TMEM119: variants seen among roughly 807,000 people sequenced by gnomAD.
TMEM119 encodes transmembrane protein 119, also known as osteoblast induction factor.
For missense variants in TMEM119, 410 were observed against 381.0 expected (o/e 1.08, Z -0.63); for synonymous variants, 182 against 176.4 (o/e 1.03, Z -0.25).
chr12:108,595,171 G>A (rs530061413), intron 1 of TMEM119, among the ~76,000 whole-genome samples: 219 of 152,012 alleles, frequency 1.4e-3, no homozygotes, highest in Non-Finnish European at 2.7e-3. Flanking sequence ...GAGTTTACAC[G>A]CACATTCACA....
Position 108,592,388 on chromosome 12 carries a change from C to A in TMEM119, c.-5G>T. 3 of 1,545,256 alleles carry A rather than the reference C, an allele frequency of 1.9e-6. No homozygotes were observed. The highest frequency in any genetic ancestry group is 2.6e-6 in the Non-Finnish European group (3 of 1,152,540). On this transcript the variant is annotated 5_prime_UTR_variant, in exon 2 of 2. Transcript: ENST00000392806. This position sits in a 1 kb window ranked among gnomAD's most constrained non-coding sequence, Gnocchi z 4.3. ...GGGGGCTGCCGCCGAAACCATGGTG[C>A]CCCCAGGACCTGTGAGACAGGAGGG...
Position 108,592,595 on chromosome 12 carries a change from G to A in TMEM119, c.-14-198C>T, listed in dbSNP as rs546965152. Among the ~76,000 whole-genome samples, 5 of 152,296 alleles carry A rather than the reference G, an allele frequency of 3.3e-5. No individual in the cohort carries two copies. The highest frequency in any genetic ancestry group is 4.8e-5 in the African/African-American group (2 of 41,544). ...CCCCCACTTCTCTGGAGGTCCCGGA[G>A]GTCAGGGGCTGAATCTTATTCATCT... On this transcript the variant is annotated intron_variant, in intron 1 of 1. Transcript: ENST00000392806. The surrounding 1 kb of genome is among the most constrained non-coding windows in gnomAD (Gnocchi z 4.3).
Position 108,591,232 on chromosome 12 carries a change from T to G in TMEM119, c.*300A>C. 9.4e-6 allele frequency: 3 copies of G among 319,232 alleles called. No individual in the cohort carries two copies. Among genetic ancestry groups the G allele is most frequent in the East Asian group, 5.6e-5 (1 of 17,956 alleles). 19.8% of individuals were successfully genotyped at this position (319,232 alleles called of 1,614,324 possible). On this transcript the variant is annotated 3_prime_UTR_variant, in exon 2 of 2. Transcript: ENST00000392806. The surrounding 1 kb of genome is among the most constrained non-coding windows in gnomAD (Gnocchi z 4.2). ...AGCCTCCACACCCAGCCTTGAGGGA[T>G]GTTTTATCCTGGCTGTCACAGGGAC...
chr12:108,593,388 G>A (rs183800353), intron 1 of TMEM119, among the ~76,000 whole-genome samples: 89 of 152,144 alleles, frequency 5.8e-4, no homozygotes, highest in African/African-American at 2.0e-3. Flanking sequence ...AGGTTGCAGT[G>A]AGCCGAGATC....
rs1282455642 is a variant in TMEM119 at position 108,590,039 on chromosome 12, G to A, written c.*1493C>T. ...TTGTGGACACAGGCTGCCAGACAAT[G>A]TGTGAGCAACAGGGGGTGGCCAGGG... On this transcript the variant is annotated 3_prime_UTR_variant, in exon 2 of 2. Coordinates refer to ENST00000392806, the MANE Select transcript of TMEM119 (RefSeq NM_181724.3). 1 of 152,242 alleles carries A rather than the reference G, an allele frequency of 6.6e-6. No individual in the cohort carries two copies. The highest frequency in any genetic ancestry group is 1.5e-5 in the Non-Finnish European group (1 of 68,082). 9.4% of individuals were successfully genotyped at this position (152,242 alleles called of 1,614,324 possible).
chr12:108,591,699 G>A lies in TMEM119; in HGVS notation c.685C>T (p.Pro229Ser). ...VQGHGVPVETPEAQEEPCSGV... is the reference protein window; with the variant it reads ...VQGHGVPVETSEAQEEPCSGV... ...GAGCACGGCTCCTCCTGCGCCTCTG[G>A]TGTCTCCACTGGGACCCCATGTCCC... The change falls in exon 2 of 2, where the codon CCA (proline) becomes TCA (serine). Residue 229 changes from proline (P) to serine (S), a missense_variant. Coordinates refer to ENST00000392806, the MANE Select transcript of TMEM119 (RefSeq NM_181724.3). The surrounding 1 kb of genome is among the most constrained non-coding windows in gnomAD (Gnocchi z 4.2). The A allele has an allele frequency of 6.2e-7, 1 of 1,613,494 alleles. No homozygotes were observed. Among genetic ancestry groups the A allele is most frequent in the Non-Finnish European group, 8.5e-7 (1 of 1,179,754 alleles).
rs2031367899 is a variant in TMEM119 at position 108,590,426 on chromosome 12, T to A, written c.*1106A>T. On this transcript the variant is annotated 3_prime_UTR_variant, in exon 2 of 2. Transcript: ENST00000392806. ...AAAAAGTAGTTTGGGCCGGGCACGG[T>A]GGCTCACGCCTGTAATCCCAGCACT... 1 of 152,244 alleles carries A rather than the reference T, an allele frequency of 6.6e-6. No homozygotes were observed. The highest frequency in any genetic ancestry group is 1.5e-5 in the Non-Finnish European group (1 of 68,074). 9.4% of individuals were successfully genotyped at this position (152,244 alleles called of 1,614,324 possible). A position where few individuals can be genotyped will look rare whatever the true frequency, so the allele number is the denominator to read the frequency against.
chr12:108,595,436 T>G (rs1297575618), intron 1 of TMEM119, among the ~76,000 whole-genome samples: 1 of 134,098 alleles, frequency 7.5e-6, no homozygotes, highest in African/African-American at 2.9e-5. Flanking sequence ...TATACACACA[T>G]GCACATACTA....
At position 108,591,887 on chromosome 12, in the gene TMEM119, AGGGCTTCCTC is replaced by A; in HGVS notation, c.487_496del (p.Glu163TrpfsTer94). On this transcript the variant is annotated frameshift_variant, in exon 2 of 2. Transcript: ENST00000392806. LOFTEE classifies it low-confidence loss of function (END_TRUNC). This position sits in a 1 kb window ranked among gnomAD's most constrained non-coding sequence, Gnocchi z 4.2. Reference sequence around the variant, plus strand: ...GGCCTGGAGCTGCCGGGAGGAATCCAGGGCTTCCTCGGGCCTGCTGTCGGGGGCTCTGTCG... The same window carrying A: ...GGCCTGGAGCTGCCGGGAGGAATCCAGGGCCTGCTGTCGGGGGCTCTGTCG... The A allele has an allele frequency of 6.2e-7, 1 of 1,611,488 alleles. No individual in the cohort carries two copies. The highest frequency in any genetic ancestry group is 8.5e-7 in the Non-Finnish European group (1 of 1,179,082).
At chr12:108,597,651 C>T (rs1023514714) in intron 1 of TMEM119, among the ~76,000 whole-genome samples, 16 of 152,016 alleles carry the variant, frequency 1.1e-4, no homozygotes, top group Admixed American at 2.0e-4. Context: ...TCCCTGCACA[C>T]AGGACAATAC....
rs373103416 is a variant in TMEM119, at chr12:108,592,166, G to T, written c.218C>A (p.Thr73Asn). The T allele has an allele frequency of 1.1e-5, 18 of 1,613,900 alleles. No individual in the cohort carries two copies. The highest frequency in any genetic ancestry group is 2.7e-5 in the African/African-American group (2 of 74,914). Residue 73 changes from threonine (T) to asparagine (N), a missense_variant, in exon 2 of 2, where the codon ACC becomes AAC. By Grantham distance (65) the Thr-to-Asn change is moderately conservative (BLOSUM62 0). Coordinates refer to ENST00000392806, the MANE Select transcript of TMEM119 (RefSeq NM_181724.3). The surrounding 1 kb of genome is among the most constrained non-coding windows in gnomAD (Gnocchi z 4.3). ...GGTGGGGGGTGATGGGCCCCCCAGGGTTATGGGCTGGGGCCCCATCGATGT... is the reference window on the plus strand; with the variant it reads ...GGTGGGGGGTGATGGGCCCCCCAGGTTTATGGGCTGGGGCCCCATCGATGT... The part of the protein sequence containing the change: ...SPTSMGPQPI[T>N]LGGPSPPTNF...
At position 108,591,973 on chromosome 12, in the gene TMEM119, G is replaced by A. The variant is rs150289058; in HGVS notation, c.411C>T (p.Tyr137=). 13 of 1,613,282 alleles carry A rather than the reference G, an allele frequency of 8.1e-6. No individual in the cohort carries two copies. The highest frequency in any genetic ancestry group is 2.2e-5 in the East Asian group (1 of 44,822). The change falls in exon 2 of 2, where the codon TAC becomes TAT. Residue 137 remains tyrosine, a synonymous_variant. Transcript: ENST00000392806. This position sits in a 1 kb window ranked among gnomAD's most constrained non-coding sequence, Gnocchi z 4.2. ...YYPSSFPKKK[Y]VDQSDRAGGP... is the part of the protein sequence containing the mutation. ...CCCCGGCCCGGTCACTCTGGTCCAC[G>A]TACTTCTTCTTGGGGAAGGACGATG...
At chr12:108,597,188 T>C (rs1439953898) in intron 1 of TMEM119, among the ~76,000 whole-genome samples, 1 of 152,098 alleles carries the variant, frequency 6.6e-6, no homozygotes, top group Non-Finnish European at 1.5e-5. Context: ...GTCCTGAGTC[T>C]GTGGAGGAGT....
intron 1 of TMEM119, among the ~76,000 whole-genome samples, chr12:108,595,224 ACACT>A (rs1232941487): frequency 1.5e-4 from 23 of 151,812 alleles, no homozygotes; most frequent in Non-Finnish European, 3.1e-4. Context: ...ATACACATGC[ACACT>A]CACCACACAC....
rs1396293377 is a variant in TMEM119 at position 108,590,290 on chromosome 12, A to C, written c.*1242T>G. ...GCTTGAGAGGATTTAAATGCCCTAT[A>C]CCCCACATCCCTAATCCTGGACCAA... On this transcript the variant is annotated 3_prime_UTR_variant, in exon 2 of 2. Transcript: ENST00000392806. 1 of 152,022 alleles carries C rather than the reference A, an allele frequency of 6.6e-6. No homozygotes were observed. Among genetic ancestry groups the C allele is most frequent in the Non-Finnish European group, 1.5e-5 (1 of 68,010 alleles). The allele number at this position is 152,022 out of a possible 1,614,324, so 9.4% of individuals were successfully genotyped here. A position where few individuals can be genotyped will look rare whatever the true frequency, so the allele number is the denominator to read the frequency against.
rs575358864 is a variant in TMEM119, at chr12:108,592,478, G to C, written c.-14-81C>G. ...CAGAAACAGGCTCACCAGCCCCCAGGAGGAACAGGGAGCATGAAACACCTT... is the reference window on the plus strand; with the variant it reads ...CAGAAACAGGCTCACCAGCCCCCAGCAGGAACAGGGAGCATGAAACACCTT... On this transcript the variant is annotated intron_variant, in intron 1 of 1. Transcript: ENST00000392806. This position sits in a 1 kb window ranked among gnomAD's most constrained non-coding sequence, Gnocchi z 4.3. The C allele has an allele frequency of 6.9e-5, 97 of 1,406,846 alleles. No homozygotes were observed. In the African/African-American group the frequency reaches 1.2e-3, roughly 18 times the overall value. 87.1% of individuals were successfully genotyped at this position (1,406,846 alleles called of 1,614,324 possible).
Position 108,591,903 on chromosome 12 carries a change from T to C in TMEM119, c.481A>G (p.Arg161Gly). The change falls in exon 2 of 2, where the codon AGG (arginine) becomes GGG (glycine). Residue 161 changes from arginine to glycine, a missense_variant. By Grantham distance (125) the Arg-to-Gly change is moderately radical (BLOSUM62 -2). Transcript: ENST00000392806. This position sits in a 1 kb window ranked among gnomAD's most constrained non-coding sequence, Gnocchi z 4.2. ...GAGGAATCCAGGGCTTCCTCGGGCC[T>C]GCTGTCGGGGGCTCTGTCGGGGACC... ...SEVPDRAPDS[R>G]PEEALDSSRQ... is the part of the protein sequence containing the mutation. The C allele has an allele frequency of 6.2e-7, 1 of 1,612,746 alleles. No homozygotes were observed. The highest frequency in any genetic ancestry group is 8.5e-7 in the Non-Finnish European group (1 of 1,179,524).
rs1237638081 is a variant in TMEM119 at position 108,591,495 on chromosome 12, G to C, written c.*37C>G. 6.5e-7 allele frequency: 1 copy of C among 1,536,348 alleles called. No homozygotes were observed. The highest frequency in any genetic ancestry group is 2.0e-5 in the Admixed American group (1 of 49,430). On this transcript the variant is annotated 3_prime_UTR_variant, in exon 2 of 2. Transcript: ENST00000392806. The surrounding 1 kb of genome is among the most constrained non-coding windows in gnomAD (Gnocchi z 4.2). ...CATACACGGGGAGGTGACCACTTGG[G>C]GGCCCGACAGTCAGGGCTGGCAGCC...
chr12:108,591,875 C>T lies in TMEM119; in HGVS notation c.509G>A (p.Arg170Gln), dbSNP rs201913296. The change falls in exon 2 of 2, where the codon CGG becomes CAG. Residue 170 changes from arginine (R) to glutamine (Q), a missense_variant. Coordinates refer to ENST00000392806, the MANE Select transcript of TMEM119 (RefSeq NM_181724.3). The surrounding 1 kb of genome is among the most constrained non-coding windows in gnomAD (Gnocchi z 4.2). ...SRPEEALDSS[R>Q]QLQADILAAT... The stretch of plus-strand genomic sequence containing the variant: ...GGCCAAGATGTCGGCCTGGAGCTGC[C>T]GGGAGGAATCCAGGGCTTCCTCGGG... The T allele has an allele frequency of 1.2e-4, 187 of 1,609,928 alleles. No homozygotes were observed. Among genetic ancestry groups the T allele is most frequent in the Non-Finnish European group, 1.5e-4 (174 of 1,178,390 alleles).
Sources: allele counts gnomAD v4.1 joint callset (sites outside exome capture counted in the v4.1 genomes callset), GRCh38; gene constraint gnomAD v4.1.1; non-coding constraint Gnocchi (gnomAD v3.1); transcripts MANE v1.5; gene names NCBI Gene and HGNC (gene_info 2026-07-23, HGNC 2026-07-21).